Variants in GREB1 observed in about 807,000 individuals in gnomAD.
GREB1 encodes the protein protein GREB1.
Under a neutral mutation model 200.7 loss-of-function variants are expected in GREB1, and 106 were observed. The ratio of observed to expected loss-of-function variants is 0.53; its 90% CI spans 0.45 to 0.62. The LOEUF is 0.62. Ranked by LOEUF, GREB1 falls within the 20% of genes least tolerant of loss-of-function variation. The pLI is 0.00. For synonymous variants in GREB1, 1,132 were observed against 1,092.4 expected (o/e 1.04, Z -0.72); for missense variants, 2,243 against 2,556.8 (o/e 0.88, Z 2.65).
At chr2:11,574,727 C>T (rs1050279003) in intron 4 of GREB1, among the ~76,000 whole-genome samples, 2 of 152,200 alleles carry the variant, frequency 1.3e-5, no homozygotes, top group African/African-American at 4.8e-5. Flanking sequence ...GAAGGACTTG[C>T]CCTCCAGGTT....
At chr2:11,483,788 A>G (rs1374539272) in intron 1 of GREB1, among the ~76,000 whole-genome samples, 2 of 140,186 alleles carry the variant, frequency 1.4e-5, no homozygotes, top group Non-Finnish European at 3.1e-5. Flanking sequence ...CCATTCATGC[A>G]GAGGGACTCC....
upstream of GREB1, among the ~76,000 whole-genome samples, chr2:11,532,484 GT>G (rs1674110936): frequency 6.6e-6 from 1 of 152,174 alleles, no homozygotes. Flanking sequence ...TTTAGTTTTT[GT>G]TTAAAGGTTC....
intron 15 of GREB1, among the ~76,000 whole-genome samples, chr2:11,599,653 T>C (rs964329458): frequency 1.3e-5 from 2 of 151,920 alleles, no homozygotes; most frequent in African/African-American, 4.8e-5. Context: ...CCTGAGTAGC[T>C]GGGACTACAG....
chr2:11,581,530 A>G (rs1194453484), intron 7 of GREB1, among the ~76,000 whole-genome samples: 1 of 152,116 alleles, frequency 6.6e-6, no homozygotes, highest in Non-Finnish European at 1.5e-5. Context: ...GAGAGGGGTG[A>G]GTGAAGGGGC....
chr2:11,577,999 G>A (rs953457169), intron 5 of GREB1, among the ~76,000 whole-genome samples: 3 of 152,190 alleles, frequency 2.0e-5, no homozygotes, highest in Admixed American at 6.5e-5. Context: ...TAACACTCTC[G>A]TCTATGGCTA....
At chr2:11,552,498 C>A (rs1675954348) in intron 1 of GREB1, among the ~76,000 whole-genome samples, 1 of 152,214 alleles carries the variant, frequency 6.6e-6, no homozygotes, top group Non-Finnish European at 1.5e-5. Flanking sequence ...GAACTAGGCT[C>A]TTCCCTGTCT....
At chr2:11,583,205 C>T (rs1042285365) in intron 7 of GREB1, among the ~76,000 whole-genome samples, 1 of 152,178 alleles carries the variant, frequency 6.6e-6, no homozygotes, top group African/African-American at 2.4e-5. Flanking sequence ...AAAACATCTG[C>T]GTCTCTTCAA....
chr2:11,596,279 C>T, intron 13 of GREB1, 40 bp downstream of exon 13: 1 of 1,584,586 alleles, frequency 6.3e-7, no homozygotes, highest in South Asian at 1.1e-5. Context: ...GGAGAGGGTA[C>T]AAAGTAGTGA....
In GREB1 at chr2:11,618,525, C is replaced by T. The variant is rs769241469; in HGVS notation, c.3650C>T (p.Ser1217Leu). ...GQRSVQVSVT[S>L]SCSQLSSSSG... ...AGGAGCGTCCAGGTGTCGGTCACCTCGTCGTGCTCCCAGCTGTCCTCCTCC... is the reference window on the plus strand; with the variant it reads ...AGGAGCGTCCAGGTGTCGGTCACCTTGTCGTGCTCCCAGCTGTCCTCCTCC... The change falls in exon 22 of 33, where the codon TCG (serine) becomes TTG (leucine). Residue 1217 changes from serine (S) to leucine (L), a missense_variant. Ser to Leu is a moderately radical substitution (Grantham distance 145, BLOSUM62 -2). This residue lies in a region of GREB1 where 587 missense variants were observed against 553.1 expected (regional missense o/e 1.06). Transcript: ENST00000381486. 95 of 1,612,100 alleles carry T rather than the reference C, an allele frequency of 5.9e-5. No homozygotes were observed. The highest frequency in any genetic ancestry group is 1.0e-4 in the Admixed American group (6 of 59,928).
At chr2:11,500,805 G>A (rs901551231) in intron 1 of GREB1, among the ~76,000 whole-genome samples, 1 of 152,214 alleles carries the variant, frequency 6.6e-6, no homozygotes, top group African/African-American at 2.4e-5. Flanking sequence ...ATTGACAGCA[G>A]GGAATGGTAA....
chr2:11,503,704 G>A (rs6719003), intron 1 of GREB1, among the ~76,000 whole-genome samples: 146,376 of 152,332 alleles, frequency 0.96, 70,560 homozygotes, highest in South Asian at 1. Context: ...GCCACTTTCC[G>A]AGTGTGGAAT....
At chr2:11,617,864 C>G (rs999236168) in intron 21 of GREB1, among the ~76,000 whole-genome samples, 1 of 152,148 alleles carries the variant, frequency 6.6e-6, no homozygotes, top group African/African-American at 2.4e-5. Context: ...TTCTTTTCCC[C>G]TCACCTCCTG....
chr2:11,621,626 A>T (rs1165645579), intron 23 of GREB1, among the ~76,000 whole-genome samples: 8 of 152,176 alleles, frequency 5.3e-5, no homozygotes, highest in Non-Finnish European at 1.2e-4. Context: ...GTGGCTCATA[A>T]ACTTGGTCTG....
At chr2:11,483,242 G>GTA (rs1263562208) in intron 1 of GREB1, among the ~76,000 whole-genome samples, 6 of 147,848 alleles carry the variant, frequency 4.1e-5, no homozygotes, top group Non-Finnish European at 5.9e-5. Flanking sequence ...GCGTGTGCGT[G>GTA]TATGGGTGTG....
chr2:11,545,571 T>A (rs933748608), intron 1 of GREB1, among the ~76,000 whole-genome samples: 1 of 152,180 alleles, frequency 6.6e-6, no homozygotes, highest in Non-Finnish European at 1.5e-5. Context: ...TTAAAAAAAA[T>A]GCATCCTTTT....
Position 11,580,037 on chromosome 2 carries a change from G to C in GREB1, c.773-667G>C, listed in dbSNP as rs1679300775. On this transcript the variant is annotated intron_variant, in intron 6 of 32. Coordinates refer to ENST00000381486, the MANE Select transcript of GREB1 (RefSeq NM_014668.4). This position sits in a 1 kb window ranked among gnomAD's most constrained non-coding sequence, Gnocchi z 4.5. Reference sequence around the variant, plus strand: ...GGCAAAAGGCAAAGGAGAAGCAAAGGCACGTCTTACATGATGGCAGTCAAG... The same window carrying C: ...GGCAAAAGGCAAAGGAGAAGCAAAGCCACGTCTTACATGATGGCAGTCAAG... Among the ~76,000 whole-genome samples, 1 of 152,212 alleles carries C rather than the reference G, an allele frequency of 6.6e-6. No individual in the cohort carries two copies. Among genetic ancestry groups the C allele is most frequent in the African/African-American group, 2.4e-5 (1 of 41,444 alleles).
At chr2:11,625,383 T>A in intron 24 of GREB1, 71 bp downstream of exon 24, 1 of 1,462,134 alleles carries the variant, frequency 6.8e-7, no homozygotes, top group Non-Finnish European at 9.5e-7. Context: ...ATGAGCTGGA[T>A]TTTGTTAGGC....
At chr2:11,488,322 TAAAAA>T (rs1672702088) in intron 1 of GREB1, among the ~76,000 whole-genome samples, 1 of 152,080 alleles carries the variant, frequency 6.6e-6, no homozygotes, top group Non-Finnish European at 1.5e-5. Context: ...GCTCTTAAAA[TAAAAA>T]CAACAGAGAC....
At chr2:11,547,532 C>T (rs1037837251) in intron 1 of GREB1, among the ~76,000 whole-genome samples, 2 of 152,232 alleles carry the variant, frequency 1.3e-5, no homozygotes, top group Non-Finnish European at 2.9e-5. Context: ...CTTATAATGC[C>T]TGTCATTCTA....
Sources: gnomAD v4.1 joint callset for allele counts (sites outside exome capture counted in the v4.1 genomes callset) on GRCh38, gnomAD v4.1.1 for gene constraint, gnomAD v4.1.1 regional missense constraint, Gnocchi (gnomAD v3.1) non-coding constraint, MANE v1.5 for transcripts, NCBI Gene and HGNC (gene_info 2026-07-23, HGNC 2026-07-21) for gene names.